The following SLC24A2 variants were observed in gnomAD, a reference collection of about 807,000 sequenced individuals.
SLC24A2 encodes the protein sodium/potassium/calcium exchanger 2.
A neutral mutation model predicts 62.0 loss-of-function variants in SLC24A2; 36 were observed. The observed-to-expected ratio is 0.58, with a 90% CI of 0.44 to 0.77. SLC24A2 has a LOEUF of 0.77. Among genes scored for constraint, SLC24A2 ranks in the 30% least tolerant of loss-of-function variants. The pLI is 0.00. For synonymous variants in SLC24A2, 358 were observed against 294.0 expected (o/e 1.22, Z -2.23); for missense variants, 846 against 817.9 (o/e 1.03, Z -0.42).
chr9:20,187,628 C>A, the SLC24A2 span, among the ~76,000 whole-genome samples: 1 of 152,154 alleles, frequency 6.6e-6, no homozygotes, highest in African/African-American at 2.4e-5. Flanking sequence ...AGTTCTTTAC[C>A]TGGAAAACTT....
intron 1 of SLC24A2, chr9:19,788,642 G>T (rs1442242860): frequency 1.0e-6 from 1 of 985,146 alleles, no homozygotes; most frequent in Non-Finnish European, 1.2e-6. Context: ...CTCCCCCGAC[G>T]GCAGGCCCTG....
chr9:20,303,252 CAG>C, the SLC24A2 span, among the ~76,000 whole-genome samples: 1 of 152,058 alleles, frequency 6.6e-6, no homozygotes, highest in Non-Finnish European at 1.5e-5. Flanking sequence ...TGAGGGGAAA[CAG>C]GGGCCTCCAA....
chr9:19,861,470 G>A, the SLC24A2 span, among the ~76,000 whole-genome samples: 2 of 152,128 alleles, frequency 1.3e-5, no homozygotes, highest in Admixed American at 1.3e-4. Context: ...AGAAGGATGG[G>A]CACAAAAAAC....
chr9:20,263,864 C>A, the SLC24A2 span, among the ~76,000 whole-genome samples: 2 of 75,656 alleles, frequency 2.6e-5, no homozygotes, highest in Non-Finnish European at 4.9e-5. Flanking sequence ...CCCACCCGCC[C>A]CCCCCCCCCC....
intron 2 of SLC24A2, among the ~76,000 whole-genome samples, chr9:19,773,170 G>A (rs1389545613): frequency 1.3e-5 from 2 of 152,182 alleles, no homozygotes; most frequent in South Asian, 2.1e-4. Flanking sequence ...GGGAGGAATT[G>A]GGAGAGACTA....
chr9:19,853,944 T>A, the SLC24A2 span, among the ~76,000 whole-genome samples: 1 of 152,232 alleles, frequency 6.6e-6, no homozygotes, highest in South Asian at 2.1e-4. Context: ...CTGGGCTTTT[T>A]CTTGTTGGTA....
At chr9:19,850,728 T>C in the SLC24A2 span, among the ~76,000 whole-genome samples, 1 of 151,806 alleles carries the variant, frequency 6.6e-6, no homozygotes, top group Admixed American at 6.6e-5. Flanking sequence ...TAGTGTTTTA[T>C]ATCTTGCTTC....
chr9:20,076,281 A>T, the SLC24A2 span, among the ~76,000 whole-genome samples: 5 of 152,176 alleles, frequency 3.3e-5, no homozygotes, highest in Admixed American at 1.3e-4. Context: ...AGATGATAAA[A>T]AACTAGAGAG....
chr9:20,131,193 C>T, the SLC24A2 span, among the ~76,000 whole-genome samples: 1 of 152,082 alleles, frequency 6.6e-6, no homozygotes, highest in Non-Finnish European at 1.5e-5. Flanking sequence ...AGACTCTTAG[C>T]CCTGTGGGAG....
At chr9:19,893,263 T>A in the SLC24A2 span, among the ~76,000 whole-genome samples, 1 of 152,216 alleles carries the variant, frequency 6.6e-6, no homozygotes, top group African/African-American at 2.4e-5. Flanking sequence ...GAGTCAATTC[T>A]GCTAGCCTTG....
At chr9:19,946,294 C>T in the SLC24A2 span, among the ~76,000 whole-genome samples, 3 of 152,162 alleles carry the variant, frequency 2.0e-5, no homozygotes, top group South Asian at 2.1e-4. Flanking sequence ...CTGGTAAACT[C>T]ATTAAACCTC....
At chr9:19,584,902 T>C (rs1836323404) in intron 5 of SLC24A2, among the ~76,000 whole-genome samples, 1 of 152,174 alleles carries the variant, frequency 6.6e-6, no homozygotes, top group African/African-American at 2.4e-5. Context: ...TAAATTACTC[T>C]GTAATAAAGT....
At chr9:19,895,546 C>CTTTCTTTTTTT in the SLC24A2 span, among the ~76,000 whole-genome samples, 1 of 135,330 alleles carries the variant, frequency 7.4e-6, no homozygotes, top group African/African-American at 2.7e-5. Context: ...TTCTTTCTTT[C>CTTTCTTTTTTT]TTTTTTTTTT....
intron 8 of SLC24A2, among the ~76,000 whole-genome samples, chr9:19,548,288 T>C (rs1366960855): frequency 6.6e-6 from 1 of 152,198 alleles, no homozygotes; most frequent in East Asian, 1.9e-4. Context: ...TTTTTTTTTC[T>C]ACTTTGTGGC....
chr9:19,954,194 T>C, the SLC24A2 span, among the ~76,000 whole-genome samples: 1 of 152,152 alleles, frequency 6.6e-6, no homozygotes, highest in South Asian at 2.1e-4. Flanking sequence ...TTTATAAATT[T>C]CCCTATATTT....
At chr9:19,987,978 A>T in the SLC24A2 span, among the ~76,000 whole-genome samples, 1 of 152,222 alleles carries the variant, frequency 6.6e-6, no homozygotes, top group Non-Finnish European at 1.5e-5. Context: ...TTGAAAACAA[A>T]AACACTTTTG....
chr9:20,153,751 T>C, the SLC24A2 span, among the ~76,000 whole-genome samples: 7 of 150,724 alleles, frequency 4.6e-5, no homozygotes, highest in African/African-American at 7.5e-5. Flanking sequence ...CTGAAACCTA[T>C]GCAGAAAAAA....
At chr9:19,790,328 T>G (rs748868313), upstream of SLC24A2, among the ~76,000 whole-genome samples, 4 of 152,156 alleles carry the variant, frequency 2.6e-5, no homozygotes, top group African/African-American at 9.7e-5. Context: ...GCTTGAACAA[T>G]TATGAACTCA....
At chr9:19,840,369 C>G in the SLC24A2 span, among the ~76,000 whole-genome samples, 1 of 150,622 alleles carries the variant, frequency 6.6e-6, no homozygotes, top group Non-Finnish European at 1.5e-5. Context: ...ATTAGAAAAC[C>G]CACACTAAAA....
Sources: allele counts gnomAD v4.1 joint callset (sites outside exome capture counted in the v4.1 genomes callset), GRCh38; gene constraint gnomAD v4.1.1; transcripts MANE v1.5; gene names NCBI Gene and HGNC (gene_info 2026-07-23, HGNC 2026-07-21).